STAT5B: variants seen among roughly 807,000 people sequenced by gnomAD.
STAT5B encodes signal transducer and activator of transcription 5B, also known as transcription factor STAT5B.
A neutral mutation model predicts 107.8 loss-of-function variants in STAT5B; 21 were observed. The observed-to-expected ratio is 0.19, with a 90% CI of 0.14 to 0.28. The LOEUF is 0.28. Ranked by LOEUF, STAT5B falls within the 10% of genes least tolerant of loss-of-function variation. The pLI is 1.00. For missense variants in STAT5B, 565 were observed against 1,008.2 expected, an observed-to-expected ratio of 0.56 and a Z score of 5.95; for synonymous variants, 325 against 401.7, an observed-to-expected ratio of 0.81 and a Z score of 2.28.
At chr17:42,226,522 G>T (rs1009696405) in intron 3 of STAT5B, among the ~76,000 whole-genome samples, 3 of 152,008 alleles carry the variant, frequency 2.0e-5, no homozygotes, top group Non-Finnish European at 2.9e-5. Context: ...AAAATGCACA[G>T]AGGGGCTGGG....
intron 1 of STAT5B, among the ~76,000 whole-genome samples, chr17:42,270,061 T>A (rs1047594702): frequency 6.6e-6 from 1 of 151,928 alleles, no homozygotes; most frequent in African/African-American, 2.4e-5. Flanking sequence ...AATACAAAAA[T>A]TAGCTGGGCA....
At chr17:42,211,317 G>A (rs959449755) in intron 13 of STAT5B, among the ~76,000 whole-genome samples, 4 of 152,062 alleles carry the variant, frequency 2.6e-5, no homozygotes, top group Non-Finnish European at 5.9e-5. Flanking sequence ...AGACCAGCCT[G>A]ACCAACATGG....
At chr17:42,208,822 C>T (rs2080106287) in intron 15 of STAT5B, among the ~76,000 whole-genome samples, 1 of 151,670 alleles carries the variant, frequency 6.6e-6, no homozygotes, top group African/African-American at 2.4e-5. Flanking sequence ...AGCTCCGCCT[C>T]CCGGGTTCAC....
chr17:42,260,893 A>C (rs2144390843), intron 1 of STAT5B, among the ~76,000 whole-genome samples: 1 of 150,696 alleles, frequency 6.6e-6, no homozygotes, highest in South Asian at 2.1e-4. Context: ...ATTATTGCTT[A>C]GTTTCCTAGT....
rs1226187324 is a variant in STAT5B, at chr17:42,211,970, G to C, written c.1680+14C>G. ...AGGACTGATCTAACAGCGGCTGGCA[G>C]CTGGGCTCCTCACCCTGTTGAACTG... On this transcript the variant is annotated intron_variant, in intron 13 of 18. Coordinates refer to ENST00000293328, the MANE Select transcript of STAT5B (RefSeq NM_012448.4). 1.9e-6 allele frequency: 3 copies of C among 1,604,252 alleles called. No homozygotes were observed. Among genetic ancestry groups the C allele is most frequent in the Non-Finnish European group, 2.6e-6 (3 of 1,175,600 alleles).
intron 16 of STAT5B, among the ~76,000 whole-genome samples, chr17:42,206,995 G>C (rs1474584968): frequency 6.6e-6 from 1 of 151,022 alleles, no homozygotes; most frequent in Non-Finnish European, 1.5e-5. Flanking sequence ...TCATGCCTCA[G>C]CCTCCCGAGT....
chr17:42,216,193 C>A, intron 11 of STAT5B, 87 bp from the exon 12 acceptor site: 3 of 1,185,306 alleles, frequency 2.5e-6, no homozygotes, highest in Non-Finnish European at 3.6e-6. Flanking sequence ...TATAACAACA[C>A]TTTTATTTTC....
intron 1 of STAT5B, among the ~76,000 whole-genome samples, chr17:42,242,085 T>C (rs1321766896): frequency 1.3e-5 from 2 of 152,104 alleles, no homozygotes; most frequent in Non-Finnish European, 2.9e-5. Context: ...TTAATCTTTA[T>C]GTCACAGCCA....
chr17:42,215,566 C>T (rs756672876), intron 12 of STAT5B, among the ~76,000 whole-genome samples: 1 of 152,128 alleles, frequency 6.6e-6, no homozygotes, highest in Non-Finnish European at 1.5e-5. Flanking sequence ...TTTCCACTTT[C>T]CACATTCTTT....
At chr17:42,214,355 GCAGA>G (rs2080154261) in intron 12 of STAT5B, 5 of 985,202 alleles carry the variant, frequency 5.1e-6, no homozygotes, top group Non-Finnish European at 6.0e-6. Flanking sequence ...AGGACAAGAG[GCAGA>G]CAGACAGTTT....
chr17:42,213,621 A>C (rs918931741), intron 12 of STAT5B, among the ~76,000 whole-genome samples: 9 of 151,122 alleles, frequency 6.0e-5, no homozygotes, highest in Non-Finnish European at 1.2e-4. Flanking sequence ...TCTGCCTCCC[A>C]GGTTCAAGCA....
chr17:42,284,850 A>G, the STAT5B span, among the ~76,000 whole-genome samples: 2 of 152,204 alleles, frequency 1.3e-5, no homozygotes, highest in Admixed American at 6.5e-5. Flanking sequence ...CTGGCCAGAC[A>G]GCTTTGGGCA....
intron 1 of STAT5B, among the ~76,000 whole-genome samples, chr17:42,236,359 A>G (rs1373065667): frequency 6.6e-6 from 1 of 152,248 alleles, no homozygotes; most frequent in African/African-American, 2.4e-5. Flanking sequence ...GATTATCATT[A>G]TAAATTCTAA....
intron 1 of STAT5B, among the ~76,000 whole-genome samples, chr17:42,239,997 G>T (rs187613849): frequency 6.6e-6 from 1 of 152,294 alleles, no homozygotes; most frequent in African/African-American, 2.4e-5. Context: ...AGCCGGGCAC[G>T]GTGGCGGGTG....
chr17:42,285,092 T>TC, the STAT5B span, among the ~76,000 whole-genome samples: 1 of 151,680 alleles, frequency 6.6e-6, no homozygotes, highest in Non-Finnish European at 1.5e-5. Context: ...TTTTTTTTTT[T>TC]CTTTTCTTTT....
In STAT5B at chr17:42,218,981, C is replaced by T. The variant is rs564847120; in HGVS notation, c.834-103G>A. 17 of 1,312,058 alleles carry T rather than the reference C, an allele frequency of 1.3e-5. No homozygotes were observed. The Admixed American group carries it at 1.5e-4, about 12-fold the overall frequency. The allele number at this position is 1,312,058 out of a possible 1,614,324, so 81.3% of individuals were successfully genotyped here. The stretch of plus-strand genomic sequence containing the variant: ...TTCCCCCAGGAAGGCTCTGTGCTTT[C>T]GCCACACTTCCCACCCATGGGAAGA... On this transcript the variant is annotated intron_variant, in intron 7 of 18. Transcript: ENST00000293328.
chr17:42,285,518 A>T, the STAT5B span, among the ~76,000 whole-genome samples: 1 of 152,104 alleles, frequency 6.6e-6, no homozygotes, highest in Non-Finnish European at 1.5e-5. Flanking sequence ...GCTCAGTCAG[A>T]CCCTTGACAG....
chr17:42,266,292 C>G (rs1012021071), intron 1 of STAT5B, among the ~76,000 whole-genome samples: 1 of 151,956 alleles, frequency 6.6e-6, no homozygotes, highest in Non-Finnish European at 1.5e-5. Flanking sequence ...ACTCTGGAGG[C>G]TGAGGTGGGA....
chr17:42,255,648 C>T (rs1045038290), intron 1 of STAT5B, among the ~76,000 whole-genome samples: 5 of 152,072 alleles, frequency 3.3e-5, no homozygotes, highest in Non-Finnish European at 7.4e-5. Flanking sequence ...TCAGAGCCTG[C>T]GGGGAGGGGC....
Sources: allele counts gnomAD v4.1 joint callset (sites outside exome capture counted in the v4.1 genomes callset), GRCh38; gene constraint gnomAD v4.1.1; transcripts MANE v1.5; gene names NCBI Gene and HGNC (gene_info 2026-07-23, HGNC 2026-07-21).